CSMD1: variants seen among roughly 807,000 people sequenced by gnomAD.
CSMD1 encodes the protein CUB and Sushi multiple domains 1.
Under a neutral mutation model 417.5 loss-of-function variants are expected in CSMD1, and 213 were observed. The ratio of observed to expected loss-of-function variants is 0.51; its 90% confidence interval spans 0.46 to 0.57. The LOEUF is 0.57. Ranked by LOEUF, CSMD1 falls within the 20% of genes least tolerant of loss-of-function variation. The probability of loss-of-function intolerance (pLI) is 0.00; values close to 1 mark genes in which losing one functional copy is unlikely to be tolerated. For missense variants in CSMD1, 6,923 were observed against 4,529.7 expected (o/e 1.53, Z -15.17); for synonymous variants, 2,862 against 1,736.8 (o/e 1.65, Z -16.11).
At chr8:3,766,343 G>C (rs1040038490) in intron 5 of CSMD1, among the ~76,000 whole-genome samples, 2 of 152,168 alleles carry the variant, frequency 1.3e-5, no homozygotes, top group Non-Finnish European at 2.9e-5. Flanking sequence ...GTTGCAACAA[G>C]CTAATCTGGA....
At chr8:4,650,015 G>A (rs759769621) in intron 1 of CSMD1, among the ~76,000 whole-genome samples, 2 of 152,122 alleles carry the variant, frequency 1.3e-5, no homozygotes, top group South Asian at 2.1e-4. Context: ...ATTGATATTA[G>A]AATTTATCAT....
intron 40 of CSMD1, 92 bp downstream of exon 40, chr8:3,151,305 C>A: frequency 1.3e-6 from 1 of 760,902 alleles, no homozygotes; most frequent in South Asian, 1.7e-5. Context: ...TACAGTTATG[C>A]CAACAGAATA....
chr8:4,588,807 A>ACACACACACACAC (rs1205311675), intron 2 of CSMD1, among the ~76,000 whole-genome samples: 4 of 100,556 alleles, frequency 4.0e-5, no homozygotes, highest in South Asian at 3.6e-4. Flanking sequence ...CACACACACA[A>ACACACACACACAC]AAGAAACTCT....
rs563343278 is a variant in CSMD1 at position 3,181,195 on chromosome 8, C to A, written c.5640G>T (p.Leu1880=). The A allele has an allele frequency of 6.2e-7, 1 of 1,613,448 alleles. No individual in the cohort carries two copies. The highest frequency in any genetic ancestry group is 2.2e-5 in the East Asian group (1 of 44,868). ...GSFSGTTVPA[L]LNSTSNQLYL... is the part of the protein sequence containing the mutation. ...AGAGTTGGTTGGAAGTACTGTTCAG[C>A]AGTGCCGGTACTGTGGTGCCTGTAA... Residue 1880 remains leucine, a synonymous_variant, in exon 37 of 70, where the codon CTG becomes CTT. Coordinates refer to ENST00000635120, the MANE Select transcript of CSMD1 (RefSeq NM_033225.6).
intron 2 of CSMD1, among the ~76,000 whole-genome samples, chr8:4,500,981 G>A (rs559493382): frequency 6.6e-6 from 1 of 152,144 alleles, no homozygotes; most frequent in East Asian, 1.9e-4. Flanking sequence ...TGCACCAAGA[G>A]GTTGATGATG....
At chr8:4,287,201 A>G (rs1393600625) in intron 3 of CSMD1, among the ~76,000 whole-genome samples, 1 of 152,236 alleles carries the variant, frequency 6.6e-6, no homozygotes, top group African/African-American at 2.4e-5. Flanking sequence ...TTTTACTCAC[A>G]TAGCTAATTA....
At chr8:3,847,999 C>T (rs921960765) in intron 5 of CSMD1, among the ~76,000 whole-genome samples, 7 of 152,016 alleles carry the variant, frequency 4.6e-5, no homozygotes, top group African/African-American at 1.2e-4. Flanking sequence ...TTCTGTGTAT[C>T]TTGGATGGGG....
At chr8:3,323,359 A>G (rs764149440) in intron 23 of CSMD1, among the ~76,000 whole-genome samples, 2 of 151,174 alleles carry the variant, frequency 1.3e-5, no homozygotes, top group Non-Finnish European at 3.0e-5. Flanking sequence ...TTTTATCTCT[A>G]TTTATTTTTA....
intron 1 of CSMD1, among the ~76,000 whole-genome samples, chr8:4,772,939 C>T (rs905876010): frequency 3.9e-5 from 6 of 152,136 alleles, no homozygotes; most frequent in African/African-American, 1.4e-4. Context: ...ATCCCTGCAA[C>T]ATTGCTGGAA....
At chr8:3,277,678 T>G (rs184417085) in intron 26 of CSMD1, among the ~76,000 whole-genome samples, 1 of 152,060 alleles carries the variant, frequency 6.6e-6, no homozygotes, top group Non-Finnish European at 1.5e-5. Flanking sequence ...GAGTTTCAGG[T>G]GTTGAGTTGC....
intron 3 of CSMD1, among the ~76,000 whole-genome samples, chr8:4,118,296 C>G (rs1417116512): frequency 6.6e-6 from 1 of 152,012 alleles, no homozygotes; most frequent in Non-Finnish European, 1.5e-5. Context: ...AGAAGTTCGA[C>G]CTGTATGGAT....
At chr8:4,371,284 C>T (rs1185604795) in intron 3 of CSMD1, among the ~76,000 whole-genome samples, 2 of 152,090 alleles carry the variant, frequency 1.3e-5, no homozygotes, top group African/African-American at 4.8e-5. Flanking sequence ...GGATGCGCCT[C>T]TGCTGGGCTG....
chr8:3,327,940 A>G (rs1377115810), intron 23 of CSMD1, among the ~76,000 whole-genome samples: 2 of 152,072 alleles, frequency 1.3e-5, no homozygotes, highest in African/African-American at 2.4e-5. Context: ...TAAATGACCA[A>G]TGCCCTACCT....
rs191904407 is a variant in CSMD1, at chr8:3,691,861, G to A, written c.1009+16553C>T. Among the ~76,000 whole-genome samples the A allele has an allele frequency of 3.3e-5, 5 of 152,206 alleles. No homozygotes were observed. The East Asian group carries it at 9.7e-4, about 29-fold the overall frequency. On this transcript the variant is annotated intron_variant, in intron 7 of 69. Transcript: ENST00000635120. Reference sequence around the variant, plus strand: ...AGAGTCTGTAACTTGAATATTTTCAGGCAGAATTTGAATCTATGACTTCTA... The same window carrying A: ...AGAGTCTGTAACTTGAATATTTTCAAGCAGAATTTGAATCTATGACTTCTA...
chr8:4,334,244 G>A (rs1336467184), intron 3 of CSMD1, among the ~76,000 whole-genome samples: 2 of 152,092 alleles, frequency 1.3e-5, no homozygotes, highest in African/African-American at 4.8e-5. Flanking sequence ...AACTTAATGT[G>A]TATGATAAGG....
intron 2 of CSMD1, among the ~76,000 whole-genome samples, chr8:4,453,300 C>A (rs1186289671): frequency 6.6e-6 from 1 of 152,040 alleles, no homozygotes; most frequent in African/African-American, 2.4e-5. Flanking sequence ...CTCCCACTGG[C>A]AATCAACTGT....
chr8:4,958,778 G>T (rs571642521), intron 1 of CSMD1, among the ~76,000 whole-genome samples: 1 of 152,070 alleles, frequency 6.6e-6, no homozygotes, highest in Non-Finnish European at 1.5e-5. Context: ...AACTAGAAGT[G>T]AAAAAAGCGG....
At chr8:3,932,815 TAATA>T (rs1338562145) in intron 5 of CSMD1, among the ~76,000 whole-genome samples, 1 of 150,544 alleles carries the variant, frequency 6.6e-6, no homozygotes, top group East Asian at 1.9e-4. Context: ...AAAAAGTTAC[TAATA>T]TATTTCTCTT....
At chr8:4,161,012 T>A (rs1797125811) in intron 3 of CSMD1, among the ~76,000 whole-genome samples, 1 of 152,142 alleles carries the variant, frequency 6.6e-6, no homozygotes, top group Non-Finnish European at 1.5e-5. Context: ...TCCTTCTTCT[T>A]CTGGTTTGCA....
Sources: gnomAD v4.1 joint callset for allele counts (sites outside exome capture counted in the v4.1 genomes callset) on GRCh38, gnomAD v4.1.1 for gene constraint, MANE v1.5 for transcripts, NCBI Gene and HGNC (gene_info 2026-07-23, HGNC 2026-07-21) for gene names.